Variants in CDK14 observed in about 807,000 individuals in gnomAD.
The protein encoded by CDK14 is cyclin dependent kinase 14.
A neutral mutation model predicts 60.7 loss-of-function variants in CDK14; 34 were observed. That is an observed-to-expected ratio of 0.56 (90% CI 0.43 to 0.75). The LOEUF is 0.75. CDK14 is among the 30% of genes least tolerant of loss of function. The pLI is 0.00. For synonymous variants in CDK14, 197 were observed against 203.7 expected (o/e 0.97, Z 0.28); for missense variants, 482 against 564.1 (o/e 0.85, Z 1.47).
chr7:91,191,210 C>G (rs1295388955), intron 14 of CDK14, among the ~76,000 whole-genome samples: 1 of 152,070 alleles, frequency 6.6e-6, no homozygotes, highest in Non-Finnish European at 1.5e-5. Context: ...CCTGGTGCTT[C>G]TTTATCATGA....
chr7:90,897,004 CT>C (rs1792358708), intron 6 of CDK14, among the ~76,000 whole-genome samples: 1 of 152,048 alleles, frequency 6.6e-6, no homozygotes, highest in South Asian at 2.1e-4. Flanking sequence ...TATAGCTTTA[CT>C]TTTTTGGCCA....
intron 13 of CDK14, among the ~76,000 whole-genome samples, chr7:91,115,934 G>A (rs1799597296): frequency 6.6e-6 from 1 of 152,146 alleles, no homozygotes. Flanking sequence ...ACTGAAGCAG[G>A]AATTATAAAA....
At chr7:90,941,686 G>T (rs1793940146) in intron 8 of CDK14, among the ~76,000 whole-genome samples, 1 of 151,936 alleles carries the variant, frequency 6.6e-6, no homozygotes, top group Admixed American at 6.6e-5. Context: ...ACTCTTGGGG[G>T]CCAGCAGTCT....
chr7:90,712,060 T>C (rs1000311077), intron 2 of CDK14, among the ~76,000 whole-genome samples: 3 of 148,488 alleles, frequency 2.0e-5, no homozygotes, highest in African/African-American at 4.9e-5. Flanking sequence ...AGAGAAAATA[T>C]GTGGCAAGTT....
chr7:91,046,026 C>G, intron 11 of CDK14, 66 bp downstream of exon 11: 1 of 1,067,958 alleles, frequency 9.4e-7, no homozygotes, highest in Non-Finnish European at 1.5e-6. Flanking sequence ...TATAAATGTT[C>G]CCTCTCAAGC....
rs184888469 is a variant in CDK14 at position 90,730,607 on chromosome 7, T to A, written c.369+3795T>A. Among the ~76,000 whole-genome samples, 232 of 152,346 alleles carry A rather than the reference T, an allele frequency of 1.5e-3. 1 individual carries two copies. Among genetic ancestry groups the A allele is most frequent in the Admixed American group, 0.014 (213 of 15,308 alleles). The stretch of plus-strand genomic sequence containing the variant: ...TGATTTGCATTTCTCTACTGACCAG[T>A]GATGATGAGCTTTTTTTCATGTTTG... On this transcript the variant is annotated intron_variant, in intron 3 of 14. Coordinates refer to ENST00000380050, the MANE Select transcript of CDK14 (RefSeq NM_001287135.2).
intron 5 of CDK14, among the ~76,000 whole-genome samples, chr7:90,832,121 C>T (rs1021432606): frequency 6.6e-5 from 10 of 152,130 alleles, no homozygotes; most frequent in Non-Finnish European, 1.3e-4. Context: ...ACCCTAGTTC[C>T]AGTCACTCTA....
intron 8 of CDK14, among the ~76,000 whole-genome samples, chr7:90,954,563 T>C (rs992503107): frequency 6.6e-6 from 1 of 151,448 alleles, no homozygotes; most frequent in Non-Finnish European, 1.5e-5. Flanking sequence ...GATAATCCCA[T>C]ATTCCAGAGG....
chr7:90,769,753 C>G (rs184100911), intron 4 of CDK14, among the ~76,000 whole-genome samples: 72 of 152,304 alleles, frequency 4.7e-4, no homozygotes, highest in African/African-American at 1.4e-3. Context: ...AGGCATGATC[C>G]TCTGCGCCTG....
At chr7:91,082,144 C>A (rs1798499962) in intron 12 of CDK14, among the ~76,000 whole-genome samples, 1 of 152,162 alleles carries the variant, frequency 6.6e-6, no homozygotes, top group South Asian at 2.1e-4. Flanking sequence ...TGCAATCAAC[C>A]AAGAATTTTA....
At chr7:91,128,767 T>A (rs942398984) in intron 14 of CDK14, among the ~76,000 whole-genome samples, 1 of 152,116 alleles carries the variant, frequency 6.6e-6, no homozygotes, top group Admixed American at 6.6e-5. Flanking sequence ...TGTTTGTGCA[T>A]GCCTGGTCTC....
intron 11 of CDK14, among the ~76,000 whole-genome samples, chr7:91,074,681 A>G (rs1448462811): frequency 2.0e-5 from 3 of 152,226 alleles, no homozygotes; most frequent in Admixed American, 6.5e-5. Flanking sequence ...GAGACACAAA[A>G]AAACCCTTCA....
intron 7 of CDK14, among the ~76,000 whole-genome samples, chr7:90,917,032 G>T (rs1055012427): frequency 2.0e-5 from 3 of 152,122 alleles, no homozygotes; most frequent in Non-Finnish European, 4.4e-5. Flanking sequence ...GACCATATGT[G>T]CAAAAGCAGT....
chr7:90,811,883 C>A (rs1314316967), intron 5 of CDK14, among the ~76,000 whole-genome samples: 1 of 152,142 alleles, frequency 6.6e-6, no homozygotes, highest in Admixed American at 6.5e-5. Flanking sequence ...TCATCACTGG[C>A]CATCAGAGAA....
At chr7:91,107,103 A>C (rs1175334589) in intron 12 of CDK14, among the ~76,000 whole-genome samples, 1 of 152,176 alleles carries the variant, frequency 6.6e-6, no homozygotes, top group African/African-American at 2.4e-5. Context: ...GAATTAAAGA[A>C]TTGGTCTTGC....
intron 6 of CDK14, among the ~76,000 whole-genome samples, chr7:90,877,879 T>C (rs1193059059): frequency 6.6e-6 from 1 of 152,116 alleles, no homozygotes; most frequent in Non-Finnish European, 1.5e-5. Context: ...TTGTAAGGGT[T>C]CAAAGGGCAA....
intron 2 of CDK14, among the ~76,000 whole-genome samples, chr7:90,643,456 G>T (rs1421979878): frequency 6.6e-6 from 1 of 152,030 alleles, no homozygotes; most frequent in Non-Finnish European, 1.5e-5. Context: ...TTCTGGGATT[G>T]TGATGATTTG....
At chr7:90,985,212 G>A (rs1051216740) in intron 10 of CDK14, among the ~76,000 whole-genome samples, 2 of 152,130 alleles carry the variant, frequency 1.3e-5, no homozygotes, top group Non-Finnish European at 2.9e-5. Flanking sequence ...TGTGTAAAAT[G>A]TAAGTGTTCT....
chr7:91,202,298 C>T (rs563010385), intron 14 of CDK14, among the ~76,000 whole-genome samples: 1 of 152,182 alleles, frequency 6.6e-6, no homozygotes, highest in South Asian at 2.1e-4. Flanking sequence ...CAATCAAATC[C>T]AATTTCTTGT....
Sources: allele counts gnomAD v4.1 joint callset (sites outside exome capture counted in the v4.1 genomes callset), GRCh38; gene constraint gnomAD v4.1.1; transcripts MANE v1.5; gene names NCBI Gene and HGNC (gene_info 2026-07-23, HGNC 2026-07-21).